The following IQSEC3 variants were observed in gnomAD, a reference collection of about 807,000 sequenced individuals.
IQSEC3 encodes the protein IQ motif and SEC7 domain-containing protein 3.
In IQSEC3, 50 loss-of-function variants were observed where a neutral mutation model predicts 105.4. The ratio of observed to expected loss-of-function variants is 0.47; its 90% confidence interval spans 0.38 to 0.60. The LOEUF (loss-of-function observed/expected upper bound fraction) is 0.60. Among genes scored for constraint, IQSEC3 ranks in the 20% least tolerant of loss-of-function variants. The probability of loss-of-function intolerance (pLI) is 0.00; values close to 1 mark genes in which losing one functional copy is unlikely to be tolerated. For synonymous variants in IQSEC3, 708 were observed against 746.0 expected, an observed-to-expected ratio of 0.95 and a Z score of 0.83; for missense variants, 1,415 against 1,630.0, an observed-to-expected ratio of 0.87 and a Z score of 2.27.
chr12:101,179 C>T (rs1299393791), intron 2 of IQSEC3, among the ~76,000 whole-genome samples: 2 of 152,190 alleles, frequency 1.3e-5, no homozygotes, highest in African/African-American at 2.4e-5. Flanking sequence ...CACTCTCAGC[C>T]TGCAAGCTCG....
chr12:98,676 GT>G (rs1459159529), intron 1 of IQSEC3, among the ~76,000 whole-genome samples: 2 of 152,152 alleles, frequency 1.3e-5, no homozygotes, highest in Non-Finnish European at 2.9e-5. Context: ...CTGTATGAAT[GT>G]TTTGTATCTT....
Position 99,158 on chromosome 12 carries a change from G to A in IQSEC3, c.567G>A (p.Val189=), listed in dbSNP as rs1555075460. Residue 189 remains valine (V), a synonymous_variant, in exon 2 of 14, where the codon GTG becomes GTA. Transcript: ENST00000538872. ...VLSRRPENET[V]LHQFCCPAAD... ...GCTCTGCCCGCAGGAATGAGACCGT[G>A]CTGCACCAGTTCTGCTGCCCAGCCG... 2 of 1,598,840 alleles carry A rather than the reference G, an allele frequency of 1.3e-6. No individual in the cohort carries two copies. The highest frequency in any genetic ancestry group is 2.2e-5 in the East Asian group (1 of 44,878).
At chr12:158,077 T>C (rs74704271) in intron 7 of IQSEC3, among the ~76,000 whole-genome samples, 4,034 of 152,234 alleles carry the variant, frequency 0.026, 57 homozygotes, top group Middle Eastern at 0.041. Context: ...TGCAGATAAC[T>C]GTATGGCACC....
At chr12:131,216 G>A (rs116990441) in intron 3 of IQSEC3, among the ~76,000 whole-genome samples, 1,994 of 152,322 alleles carry the variant, frequency 0.013, 26 homozygotes, top group Non-Finnish European at 0.017. Flanking sequence ...CGCCCCTGCC[G>A]CTGCTTCTTC....
chr12:132,866 G>A (rs182992138), intron 3 of IQSEC3, among the ~76,000 whole-genome samples: 1 of 152,220 alleles, frequency 6.6e-6, no homozygotes, highest in African/African-American at 2.4e-5. Context: ...TCACCATTAA[G>A]CAGCTACCAC....
At chr12:79,356 T>C (rs1458825420) in intron 1 of IQSEC3, among the ~76,000 whole-genome samples, 1 of 152,162 alleles carries the variant, frequency 6.6e-6, no homozygotes, top group African/African-American at 2.4e-5. Context: ...GGACTCTGGC[T>C]TCTGGCCACC....
At chr12:100,473 G>A (rs1555075899) in intron 2 of IQSEC3, among the ~76,000 whole-genome samples, 2 of 152,196 alleles carry the variant, frequency 1.3e-5, no homozygotes, top group Admixed American at 6.5e-5. Flanking sequence ...GGCACAGACA[G>A]CCACCCCGTG....
rs146184188 is a variant in IQSEC3, at chr12:115,661, T to G, written c.624-9972T>G. On this transcript the variant is annotated intron_variant, in intron 2 of 13. Transcript: ENST00000538872. The stretch of plus-strand genomic sequence containing the variant: ...CACTCACTCTCACAGCAAAATCATG[T>G]AGCAGGTATCCCTACTTTACACACA... Among the ~76,000 whole-genome samples, 1,060 of 152,322 alleles carry G rather than the reference T, an allele frequency of 7.0e-3. 13 individuals carry two copies. Among genetic ancestry groups the G allele is most frequent in the African/African-American group, 0.024 (990 of 41,566 alleles).
chr12:113,789 C>A (rs888132867), intron 2 of IQSEC3, among the ~76,000 whole-genome samples: 2 of 152,238 alleles, frequency 1.3e-5, no homozygotes, highest in East Asian at 1.9e-4. Flanking sequence ...TCCCTTCCCT[C>A]CCCAGGTGCA....
intron 7 of IQSEC3, among the ~76,000 whole-genome samples, chr12:161,285 G>T (rs1374972744): frequency 6.6e-6 from 1 of 152,212 alleles, no homozygotes; most frequent in Non-Finnish European, 1.5e-5. Context: ...CAAAAGAAAC[G>T]TGTTTTCTTG....
chr12:79,026 G>A (rs575399192), intron 1 of IQSEC3, among the ~76,000 whole-genome samples: 6 of 152,218 alleles, frequency 3.9e-5, no homozygotes, highest in African/African-American at 1.4e-4. Context: ...CCCTTCCCTT[G>A]CCTTCCAGTC....
At chr12:70,979 C>A (rs1591620165) in intron 1 of IQSEC3, among the ~76,000 whole-genome samples, 1 of 152,392 alleles carries the variant, frequency 6.6e-6, no homozygotes, top group East Asian at 1.9e-4. Flanking sequence ...ACCTCTCCCC[C>A]AAACACTTTA....
intron 2 of IQSEC3, among the ~76,000 whole-genome samples, chr12:109,396 C>T (rs1029763782): frequency 1.3e-5 from 2 of 152,120 alleles, no homozygotes; most frequent in Non-Finnish European, 2.9e-5. Flanking sequence ...TTATGTAGCC[C>T]CCCGGCCTCT....
intron 1 of IQSEC3, among the ~76,000 whole-genome samples, chr12:95,974 T>C (rs1298398236): frequency 1.3e-5 from 2 of 152,178 alleles, no homozygotes; most frequent in African/African-American, 4.8e-5. Context: ...GTAAAATATT[T>C]GAAGAGATTT....
chr12:87,621 T>C (rs1863958130), intron 1 of IQSEC3, among the ~76,000 whole-genome samples: 1 of 151,884 alleles, frequency 6.6e-6, no homozygotes, highest in South Asian at 2.1e-4. Context: ...AAGGAAAGAG[T>C]TGTAACCAGG....
chr12:106,153 C>T (rs1488300615), intron 2 of IQSEC3, among the ~76,000 whole-genome samples: 1 of 152,184 alleles, frequency 6.6e-6, no homozygotes, highest in Non-Finnish European at 1.5e-5. Context: ...AAATATTATT[C>T]CCATTTTACA....
chr12:90,132 T>G (rs1864036661), intron 1 of IQSEC3, among the ~76,000 whole-genome samples: 2 of 152,258 alleles, frequency 1.3e-5, no homozygotes, highest in South Asian at 4.1e-4. Context: ...TAATAGTATC[T>G]GCTTGTGGTT....
At chr12:67,634 C>T (rs566358085) in intron 1 of IQSEC3, among the ~76,000 whole-genome samples, 198 bp downstream of exon 1, 86 of 145,506 alleles carry the variant, frequency 5.9e-4, no homozygotes, top group African/African-American at 2.4e-3. Flanking sequence ...TTGGGGAATG[C>T]TGGAGCAAAA....
Position 165,760 on chromosome 12 carries a change from G to A in IQSEC3, c.2841G>A (p.Pro947=), listed in dbSNP as rs782713919. 42 of 1,613,794 alleles carry A rather than the reference G, an allele frequency of 2.6e-5. No individual in the cohort carries two copies. The East Asian group carries it at 6.2e-4, about 24-fold the overall frequency. ...YYSHGITLVT[P]LSGSEKKQVL... ...CTCATGGCATCACACTGGTGACCCC[G>A]CTCTCGGGCTCCGAGAAGAAGCAGG... Residue 947 remains proline, a synonymous_variant, in exon 11 of 14, where the codon CCG becomes CCA. Transcript: ENST00000538872.
Sources: gnomAD v4.1 joint callset for allele counts (sites outside exome capture counted in the v4.1 genomes callset) on GRCh38, gnomAD v4.1.1 for gene constraint, MANE v1.5 for transcripts, NCBI Gene and HGNC (gene_info 2026-07-23, HGNC 2026-07-21) for gene names.